CCDC73: variants seen among roughly 807,000 people sequenced by gnomAD.
CCDC73 encodes coiled-coil domain containing 73.
A neutral mutation model predicts 116.5 loss-of-function variants in CCDC73; 95 were observed. The observed-to-expected ratio is 0.82, with a 90% confidence interval of 0.69 to 0.97. The LOEUF is 0.97. Ranked by LOEUF, CCDC73 falls within the 50% of genes least tolerant of loss-of-function variation. CCDC73 has a pLI of 0.00. For synonymous variants in CCDC73, 398 were observed against 401.3 expected, an observed-to-expected ratio of 0.99 and a Z score of 0.10; for missense variants, 1,066 against 1,206.8, an observed-to-expected ratio of 0.88 and a Z score of 1.73.
chr11:32,758,057 A>G (rs1189856001), intron 2 of CCDC73, among the ~76,000 whole-genome samples: 1 of 152,206 alleles, frequency 6.6e-6, no homozygotes, highest in South Asian at 2.1e-4. Flanking sequence ...TGAGGGGGAA[A>G]TCTAGGAATA....
intron 1 of CCDC73, among the ~76,000 whole-genome samples, chr11:32,767,695 T>C (rs1850455521): frequency 6.6e-6 from 1 of 152,182 alleles, no homozygotes; most frequent in Non-Finnish European, 1.5e-5. Context: ...AGAAGACATT[T>C]ATGCAGCCAA....
At chr11:32,676,418 T>G (rs1216320492) in intron 7 of CCDC73, among the ~76,000 whole-genome samples, 1 of 152,216 alleles carries the variant, frequency 6.6e-6, no homozygotes, top group Non-Finnish European at 1.5e-5. Context: ...CCTATCTAGA[T>G]CACTGTTTTG....
At chr11:32,656,371 G>A (rs749182450) in intron 9 of CCDC73, among the ~76,000 whole-genome samples, 44 of 152,022 alleles carry the variant, frequency 2.9e-4, no homozygotes, top group Non-Finnish European at 5.4e-4. Flanking sequence ...GAGCCACCGC[G>A]CCCGGCCAGT....
intron 1 of CCDC73, among the ~76,000 whole-genome samples, chr11:32,793,700 TC>T (rs1337351208): frequency 2.0e-5 from 3 of 151,970 alleles, no homozygotes; most frequent in Admixed American, 6.6e-5. Flanking sequence ...AACCTCCGCC[TC>T]CCGGGTTCAA....
the CCDC73 span, among the ~76,000 whole-genome samples, chr11:32,825,451 C>T: frequency 1.3e-5 from 2 of 151,918 alleles, no homozygotes; most frequent in East Asian, 3.9e-4. Context: ...TACAGACATG[C>T]ACCACCACAC....
chr11:32,701,585 T>C (rs1256802333), intron 4 of CCDC73, among the ~76,000 whole-genome samples: 1 of 151,956 alleles, frequency 6.6e-6, no homozygotes, highest in Admixed American at 6.6e-5. Flanking sequence ...TCCCAGCTAC[T>C]TGGGAGGCGG....
chr11:32,751,993 C>T (rs1055492640), intron 2 of CCDC73, among the ~76,000 whole-genome samples: 5 of 152,202 alleles, frequency 3.3e-5, no homozygotes, highest in African/African-American at 1.2e-4. Context: ...TATATGGTAG[C>T]TTGGCTAGGG....
the CCDC73 span, among the ~76,000 whole-genome samples, chr11:32,799,887 AC>A: frequency 1.3e-5 from 2 of 152,256 alleles, no homozygotes; most frequent in Admixed American, 6.5e-5. Context: ...TACAGCACTT[AC>A]CACATTTCAT....
chr11:32,639,004 C>T (rs1304703962), intron 13 of CCDC73, among the ~76,000 whole-genome samples: 4 of 151,410 alleles, frequency 2.6e-5, no homozygotes, highest in Admixed American at 2.0e-4. Context: ...AAAAGTTAGC[C>T]GGGCATGGTG....
rs755335999 is a variant in CCDC73, at chr11:32,602,888, G to C, written c.3163C>G (p.Leu1055Val). 3.7e-6 allele frequency: 6 copies of C among 1,611,796 alleles called. No homozygotes were observed. Among genetic ancestry groups the C allele is most frequent in the East Asian group, 4.5e-5 (2 of 44,792 alleles). The change falls in exon 18 of 18, where the codon CTA becomes GTA. Residue 1055 changes from leucine to valine, a missense_variant. Coordinates refer to ENST00000335185, the MANE Select transcript of CCDC73 (RefSeq NM_001008391.4). Reference protein sequence around the residue: ...TNQLNKSENLLSLENDNQPKK... With the variant: ...TNQLNKSENLVSLENDNQPKK... ...GGCTGGTTGTCATTTTCTAAACTTA[G>C]TAAATTTTCACTTTTATTTAGTTGA...
At chr11:32,813,881 G>T in the CCDC73 span, among the ~76,000 whole-genome samples, 1 of 152,066 alleles carries the variant, frequency 6.6e-6, no homozygotes. Context: ...GTTATTCTTA[G>T]CCTTTTACTT....
chr11:32,739,895 G>C lies in CCDC73; in HGVS notation c.135+20214C>G, dbSNP rs150863916. 1.5e-4 allele frequency among the ~76,000 whole-genome samples: 22 copies of C among 151,422 alleles called. No homozygotes were observed. The East Asian group carries it at 4.1e-3, about 28-fold the overall frequency. On this transcript the variant is annotated intron_variant, in intron 2 of 17. Coordinates refer to ENST00000335185, the MANE Select transcript of CCDC73 (RefSeq NM_001008391.4). ...TTTTTGAGGGTTTTTAATTATGAAG[G>C]GACGTTGAATTTTATCAAATGTTTT...
intron 1 of CCDC73, among the ~76,000 whole-genome samples, chr11:32,769,644 T>C (rs1850474424): frequency 6.6e-6 from 1 of 152,040 alleles, no homozygotes; most frequent in South Asian, 2.1e-4. Flanking sequence ...TTTCAAAGAG[T>C]GTTACTATAG....
the CCDC73 span, among the ~76,000 whole-genome samples, chr11:32,812,375 T>A: frequency 6.6e-6 from 1 of 152,034 alleles, no homozygotes; most frequent in African/African-American, 2.4e-5. Flanking sequence ...CAAAAATTAG[T>A]CAGGCATAGG....
At chr11:32,676,205 A>T (rs1489664711) in intron 7 of CCDC73, among the ~76,000 whole-genome samples, 184 bp from the exon 8 acceptor site, 3 of 152,220 alleles carry the variant, frequency 2.0e-5, no homozygotes, top group African/African-American at 7.2e-5. Flanking sequence ...ATATTTCTAA[A>T]TCTATGTAAA....
chr11:32,784,190 C>T (rs1850607214), intron 1 of CCDC73, among the ~76,000 whole-genome samples: 1 of 151,930 alleles, frequency 6.6e-6, no homozygotes, highest in Non-Finnish European at 1.5e-5. Context: ...ATTAGCCGGG[C>T]GTCGTGGTGC....
intron 12 of CCDC73, among the ~76,000 whole-genome samples, chr11:32,645,355 G>A (rs1015975222): frequency 1.6e-4 from 23 of 146,834 alleles, no homozygotes; most frequent in African/African-American, 4.6e-4. Context: ...GCAATGGCGC[G>A]ATCTCGGCTC....
intron 7 of CCDC73, among the ~76,000 whole-genome samples, chr11:32,676,257 C>T (rs193106114): frequency 3.8e-4 from 58 of 152,246 alleles, no homozygotes; most frequent in African/African-American, 1.3e-3. Context: ...ATAGTCACTT[C>T]AGGTTATGTT....
At chr11:32,660,857 G>A (rs949369976) in intron 9 of CCDC73, among the ~76,000 whole-genome samples, 1 of 152,094 alleles carries the variant, frequency 6.6e-6, no homozygotes, top group Non-Finnish European at 1.5e-5. Context: ...TACAAAGGGG[G>A]TAAAGAAGAA....
Sources: allele counts gnomAD v4.1 joint callset (sites outside exome capture counted in the v4.1 genomes callset), GRCh38; gene constraint gnomAD v4.1.1; transcripts MANE v1.5; gene names NCBI Gene and HGNC (gene_info 2026-07-23, HGNC 2026-07-21).